PLCB1: variants seen among roughly 807,000 people sequenced by gnomAD.
PLCB1 encodes 1-phosphatidylinositol 4,5-bisphosphate phosphodiesterase beta-1.
PLCB1 carries 46 observed loss-of-function variants against 161.8 expected under a neutral mutation model. That is an observed-to-expected ratio of 0.28 (90% CI 0.22 to 0.36). The LOEUF (loss-of-function observed/expected upper bound fraction) is 0.36. Among genes scored for constraint, PLCB1 ranks in the 10% least tolerant of loss-of-function variants. PLCB1 has a pLI of 1.00. For synonymous variants in PLCB1, 517 were observed against 503.7 expected (o/e 1.03, Z -0.35); for missense variants, 1,016 against 1,472.5 (o/e 0.69, Z 5.07).
intron 4 of PLCB1, among the ~76,000 whole-genome samples, chr20:8,632,557 A>G (rs79842475): frequency 0.14 from 21,959 of 152,060 alleles, 1,569 homozygotes; most frequent in Middle Eastern, 0.21. Flanking sequence ...CAAAAATGAG[A>G]TAGGGATGGA....
At chr20:8,172,819 C>T (rs1261652987) in intron 2 of PLCB1, among the ~76,000 whole-genome samples, 1 of 152,182 alleles carries the variant, frequency 6.6e-6, no homozygotes, top group Non-Finnish European at 1.5e-5. Context: ...AGACTGGTTT[C>T]TGGCATCAGG....
chr20:8,822,315 T>G (rs1985471639), intron 31 of PLCB1, among the ~76,000 whole-genome samples: 3 of 152,168 alleles, frequency 2.0e-5, no homozygotes, highest in Admixed American at 6.5e-5. Context: ...CAAAAGATAT[T>G]TATTAAGCAT....
intron 2 of PLCB1, among the ~76,000 whole-genome samples, chr20:8,160,108 T>C (rs1298748271): frequency 2.0e-5 from 3 of 152,172 alleles, no homozygotes; most frequent in Non-Finnish European, 4.4e-5. Flanking sequence ...GCCAGTCTCT[T>C]TGCTAAAACA....
intron 2 of PLCB1, among the ~76,000 whole-genome samples, chr20:8,345,332 G>A (rs774744109): frequency 1.3e-5 from 2 of 152,112 alleles, no homozygotes; most frequent in African/African-American, 4.8e-5. Context: ...GGGACAAGCC[G>A]GGGGTTTAGA....
intron 3 of PLCB1, among the ~76,000 whole-genome samples, chr20:8,387,380 G>A (rs1334969859): frequency 2.0e-5 from 3 of 152,178 alleles, no homozygotes; most frequent in African/African-American, 7.2e-5. Context: ...AGGAGAGGGA[G>A]AAAGATAAGG....
chr20:8,642,280 T>A (rs1461621936), intron 4 of PLCB1, among the ~76,000 whole-genome samples: 1 of 152,182 alleles, frequency 6.6e-6, no homozygotes, highest in Non-Finnish European at 1.5e-5. Context: ...ATGTTCAGTA[T>A]AGTATCAAAA....
At chr20:8,339,247 T>C (rs541447799) in intron 2 of PLCB1, among the ~76,000 whole-genome samples, 3 of 152,328 alleles carry the variant, frequency 2.0e-5, no homozygotes, top group South Asian at 2.1e-4. Context: ...TGTGTCACTT[T>C]ATATCTCACC....
intron 4 of PLCB1, among the ~76,000 whole-genome samples, chr20:8,633,757 A>G (rs1988675183): frequency 6.6e-6 from 1 of 152,110 alleles, no homozygotes; most frequent in South Asian, 2.1e-4. Flanking sequence ...CAACATCCAG[A>G]TCAAGAAACA....
chr20:8,189,239 C>T (rs983640880), intron 2 of PLCB1, among the ~76,000 whole-genome samples: 8 of 151,338 alleles, frequency 5.3e-5, no homozygotes, highest in Non-Finnish European at 8.8e-5. Context: ...ATAGCTATAG[C>T]TGCTTTTGCC....
chr20:8,382,252 T>G (rs1987276579), intron 3 of PLCB1, among the ~76,000 whole-genome samples: 1 of 151,816 alleles, frequency 6.6e-6, no homozygotes. Flanking sequence ...AATTTCCATG[T>G]AATTGTGTGG....
Position 8,881,804 on chromosome 20 carries a change from G to A in PLCB1, c.3606G>A (p.Glu1202=). ...ACCACAAGACTCCCTCCAGTGAGGA[G>A]CTGGGAGGAGACATCCCAGGAAAAG... is the stretch of plus-strand genomic sequence containing the variant. ...KVNHKTPSSE[E]LGGDIPGKEF... The change falls in exon 32 of 32, where the codon GAG becomes GAA. Residue 1202 remains glutamate, a synonymous_variant. Transcript: ENST00000338037. 1 of 1,614,098 alleles carries A rather than the reference G, an allele frequency of 6.2e-7. No homozygotes were observed. The highest frequency in any genetic ancestry group is 1.1e-5 in the South Asian group (1 of 91,078).
At chr20:8,552,594 T>C (rs1472004559) in intron 3 of PLCB1, among the ~76,000 whole-genome samples, 3 of 152,228 alleles carry the variant, frequency 2.0e-5, no homozygotes, top group African/African-American at 4.8e-5. Context: ...ATTGCACTTC[T>C]CTGATATTAT....
At chr20:8,601,610 G>A (rs1987588798) in intron 3 of PLCB1, among the ~76,000 whole-genome samples, 1 of 152,158 alleles carries the variant, frequency 6.6e-6, no homozygotes, top group African/African-American at 2.4e-5. Flanking sequence ...AATTTGTACT[G>A]ATCACTGACT....
intron 31 of PLCB1, among the ~76,000 whole-genome samples, chr20:8,848,548 A>G (rs374435635): frequency 3.7e-4 from 56 of 152,362 alleles, no homozygotes; most frequent in African/African-American, 1.3e-3. Flanking sequence ...TAGGAGGTCT[A>G]TGCCAGAAAC....
intron 31 of PLCB1, among the ~76,000 whole-genome samples, chr20:8,813,593 C>A (rs2146255476): frequency 6.6e-6 from 1 of 152,088 alleles, no homozygotes; most frequent in Non-Finnish European, 1.5e-5. Flanking sequence ...ACTTTGGGAG[C>A]CTGAAGTGGG....
chr20:8,681,086 GTATATATATA>G (rs202198416), intron 9 of PLCB1, among the ~76,000 whole-genome samples: 23 of 73,844 alleles, frequency 3.1e-4, no homozygotes, highest in Admixed American at 4.7e-4. Context: ...ATGTGTGTGT[GTATATATATA>G]TATATATATA....
intron 12 of PLCB1, among the ~76,000 whole-genome samples, chr20:8,715,102 G>A (rs1481766282): frequency 1.3e-5 from 2 of 152,166 alleles, no homozygotes; most frequent in African/African-American, 4.8e-5. Flanking sequence ...CTGCTAAAAT[G>A]TATTATCATT....
At chr20:8,456,046 T>G (rs1314719105) in intron 3 of PLCB1, among the ~76,000 whole-genome samples, 6 of 152,232 alleles carry the variant, frequency 3.9e-5, no homozygotes, top group Non-Finnish European at 7.3e-5. Flanking sequence ...GCTTGGATGC[T>G]TGATACAGAG....
intron 31 of PLCB1, among the ~76,000 whole-genome samples, chr20:8,824,724 G>A (rs1321922195): frequency 6.6e-6 from 1 of 152,148 alleles, no homozygotes; most frequent in Non-Finnish European, 1.5e-5. Flanking sequence ...TTATTAAAAG[G>A]TAGTTTTGGT....
Sources: allele counts gnomAD v4.1 joint callset (sites outside exome capture counted in the v4.1 genomes callset), GRCh38; gene constraint gnomAD v4.1.1; transcripts MANE v1.5; gene names NCBI Gene and HGNC (gene_info 2026-07-23, HGNC 2026-07-21).